Variants in SLC23A2 observed in about 807,000 individuals in gnomAD.
The protein encoded by SLC23A2 is Na(+)/L-ascorbic acid transporter 2.
In SLC23A2, 36 loss-of-function variants were observed where a neutral mutation model predicts 73.3. The ratio of observed to expected loss-of-function variants is 0.49; its 90% CI spans 0.38 to 0.65. SLC23A2 has a LOEUF of 0.65. Among genes scored for constraint, SLC23A2 ranks in the 30% least tolerant of loss-of-function variants. The probability of loss-of-function intolerance (pLI) is 0.00; values close to 1 mark genes in which losing one functional copy is unlikely to be tolerated. For missense variants in SLC23A2, 507 were observed against 841.6 expected (o/e 0.60, Z 4.92); for synonymous variants, 343 against 327.3 (o/e 1.05, Z -0.52).
chr20:4,905,972 T>C (rs998855727), intron 4 of SLC23A2, among the ~76,000 whole-genome samples: 1 of 152,266 alleles, frequency 6.6e-6, no homozygotes, highest in African/African-American at 2.4e-5. Flanking sequence ...TATTCTCTTG[T>C]ACATTTCTCC....
intron 2 of SLC23A2, among the ~76,000 whole-genome samples, chr20:4,956,860 T>G (rs1317896931): frequency 7.0e-6 from 1 of 143,748 alleles, no homozygotes. Flanking sequence ...CAGGCTAGAG[T>G]GCAATGGCGC....
intron 9 of SLC23A2, among the ~76,000 whole-genome samples, chr20:4,878,112 T>C (rs773591777): frequency 1.3e-5 from 2 of 152,260 alleles, no homozygotes; most frequent in African/African-American, 4.8e-5. Context: ...TGGGATTCTC[T>C]CACTTTTAAA....
chr20:4,898,197 C>G (rs2122864194), intron 6 of SLC23A2, among the ~76,000 whole-genome samples: 1 of 152,354 alleles, frequency 6.6e-6, no homozygotes, highest in Non-Finnish European at 1.5e-5. Context: ...CTCCCTTCAG[C>G]CCAGCTTGGT....
At chr20:4,975,421 C>T (rs1483146270) in intron 1 of SLC23A2, among the ~76,000 whole-genome samples, 2 of 152,174 alleles carry the variant, frequency 1.3e-5, no homozygotes, top group Admixed American at 1.3e-4. Flanking sequence ...CACTCTGTTG[C>T]CCAGGCTGGA....
At chr20:4,977,118 A>G (rs1431865856) in intron 1 of SLC23A2, among the ~76,000 whole-genome samples, 1 of 152,236 alleles carries the variant, frequency 6.6e-6, no homozygotes, top group Admixed American at 6.5e-5. Flanking sequence ...CGATAGCAAA[A>G]CACTGTATGA....
At position 4,927,921 on chromosome 20, in the gene SLC23A2, C is replaced by G. The variant is rs565442888; in HGVS notation, c.108+4534G>C. ...GGAAGCGACCCACTGTAACTTAGTC[C>G]CCTCACTTTTTCCCTGTCAATGGGC... On this transcript the variant is annotated intron_variant, in intron 3 of 16. Coordinates refer to ENST00000338244, the MANE Select transcript of SLC23A2 (RefSeq NM_005116.6). Among the ~76,000 whole-genome samples the G allele has an allele frequency of 2.0e-5, 3 of 152,272 alleles. No homozygotes were observed. The South Asian group carries it at 6.2e-4, about 32-fold the overall frequency.
chr20:4,981,792 C>A (rs36107804), intron 1 of SLC23A2, among the ~76,000 whole-genome samples: 12,085 of 152,026 alleles, frequency 0.079, 660 homozygotes, highest in Non-Finnish European at 0.11. Flanking sequence ...ACCTCCACCC[C>A]CCAGGTTCAA....
chr20:4,999,898 AAAAG>A (rs2088088950), intron 1 of SLC23A2, among the ~76,000 whole-genome samples: 1 of 152,190 alleles, frequency 6.6e-6, no homozygotes, highest in Non-Finnish European at 1.5e-5. Context: ...CCTTGGTATT[AAAAG>A]AAAGAAGCTG....
At chr20:4,950,503 T>C (rs1207043456) in intron 2 of SLC23A2, among the ~76,000 whole-genome samples, 2 of 152,180 alleles carry the variant, frequency 1.3e-5, no homozygotes, top group African/African-American at 4.8e-5. Flanking sequence ...TGATTCCTAC[T>C]GAACAGTGGA....
In SLC23A2 at chr20:4,860,635, C is replaced by T. The variant is rs531413794; in HGVS notation, c.1625-1251G>A. 1.4e-4 allele frequency among the ~76,000 whole-genome samples: 22 copies of T among 152,346 alleles called. No homozygotes were observed. The South Asian group carries it at 4.3e-3, about 30-fold the overall frequency. ...GAATAATGAGAACTGATTGTACTTG[C>T]ACATCAATATTCACAATAGCCAAAG... is the stretch of plus-strand genomic sequence containing the variant. On this transcript the variant is annotated intron_variant, in intron 15 of 16. Coordinates refer to ENST00000338244, the MANE Select transcript of SLC23A2 (RefSeq NM_005116.6).
chr20:4,880,771 C>T (rs959126396), intron 9 of SLC23A2, among the ~76,000 whole-genome samples: 18 of 151,700 alleles, frequency 1.2e-4, no homozygotes, highest in African/African-American at 4.1e-4. Flanking sequence ...CTCCAGGTAT[C>T]CAGGCCAAGA....
intron 2 of SLC23A2, among the ~76,000 whole-genome samples, chr20:4,964,634 G>A (rs1385414865): frequency 6.6e-6 from 1 of 152,074 alleles, no homozygotes; most frequent in Non-Finnish European, 1.5e-5. Context: ...AAACAAACCT[G>A]ATAATCCCAT....
chr20:4,954,924 A>C (rs1295371432), intron 2 of SLC23A2, among the ~76,000 whole-genome samples: 1 of 152,000 alleles, frequency 6.6e-6, no homozygotes, highest in African/African-American at 2.4e-5. Flanking sequence ...CCATTATAGA[A>C]GACTGTTCCG....
At position 4,854,058 on chromosome 20, in the gene SLC23A2, C is replaced by T. The variant is rs962444845; in HGVS notation, c.*2914G>A. The T allele has an allele frequency of 1.3e-5, 2 of 152,176 alleles. No homozygotes were observed. The highest frequency in any genetic ancestry group is 4.8e-5 in the African/African-American group (2 of 41,432). The allele number at this position is 152,176 out of a possible 1,614,324, so 9.4% of individuals were successfully genotyped here. ...CCACACAAATGCTTTCTTTCAGGGA[C>T]CAGGCAGGTGACCTGGGAAGGTGGT... On this transcript the variant is annotated 3_prime_UTR_variant, in exon 17 of 17. Transcript: ENST00000338244.
At chr20:4,894,389 G>A (rs1931442696) in intron 6 of SLC23A2, among the ~76,000 whole-genome samples, 1 of 152,168 alleles carries the variant, frequency 6.6e-6, no homozygotes, top group Admixed American at 6.5e-5. Context: ...AATGCAAAAA[G>A]ACAACGGCCC....
chr20:4,990,214 T>C (rs1423203260), intron 1 of SLC23A2, among the ~76,000 whole-genome samples: 1 of 152,110 alleles, frequency 6.6e-6, no homozygotes, highest in African/African-American at 2.4e-5. Context: ...CCCTGACTAA[T>C]ACAGGTTATA....
chr20:4,951,091 C>T (rs185982391), intron 2 of SLC23A2, among the ~76,000 whole-genome samples: 7 of 152,234 alleles, frequency 4.6e-5, no homozygotes, highest in East Asian at 1.9e-4. Context: ...GAGCCAAGAA[C>T]GGTATTCAGG....
intron 1 of SLC23A2, among the ~76,000 whole-genome samples, chr20:5,006,833 T>C (rs551076893): frequency 4.6e-5 from 7 of 151,976 alleles, no homozygotes; most frequent in Non-Finnish European, 5.9e-5. Flanking sequence ...GAGCCACCAC[T>C]CCTGGCCTGC....
In SLC23A2 at chr20:4,998,242, TC is replaced by T. The variant is rs1267941258; in HGVS notation, c.-282+3163del. Among the ~76,000 whole-genome samples the T allele has an allele frequency of 6.6e-6, 1 of 152,068 alleles. No homozygotes were observed. Among genetic ancestry groups the T allele is most frequent in the Non-Finnish European group, 1.5e-5 (1 of 68,032 alleles). ...ACAGAACCAGATCTCATTGTCCACA[TC>T]CCTACAGTGTGGGCTCCATGTGGGC... is the stretch of plus-strand genomic sequence containing the variant. On this transcript the variant is annotated intron_variant, in intron 1 of 16. Coordinates refer to ENST00000338244, the MANE Select transcript of SLC23A2 (RefSeq NM_005116.6). The surrounding 1 kb of genome is among the most constrained non-coding windows in gnomAD (Gnocchi z 4.1).
Sources: allele counts gnomAD v4.1 joint callset (sites outside exome capture counted in the v4.1 genomes callset), GRCh38; gene constraint gnomAD v4.1.1; non-coding constraint Gnocchi (gnomAD v3.1); transcripts MANE v1.5; gene names NCBI Gene and HGNC (gene_info 2026-07-23, HGNC 2026-07-21).